POU6F2: variants seen among roughly 807,000 people sequenced by gnomAD.
POU6F2 encodes the protein POU domain, class 6, transcription factor 2.
In POU6F2, 31 loss-of-function variants were observed where a neutral mutation model predicts 71.3. That is an observed-to-expected ratio of 0.43 (90% CI 0.33 to 0.59). POU6F2 has a LOEUF of 0.59. POU6F2 is among the 20% of genes least tolerant of loss of function. The probability of loss-of-function intolerance (pLI) is 0.04; values close to 1 mark genes in which losing one functional copy is unlikely to be tolerated. For missense variants in POU6F2, 783 were observed against 856.8 expected, an observed-to-expected ratio of 0.91 and a Z score of 1.07; for synonymous variants, 347 against 355.7, an observed-to-expected ratio of 0.98 and a Z score of 0.27.
chr7:39,082,216 T>C (rs150381890), intron 1 of POU6F2, among the ~76,000 whole-genome samples: 1 of 152,308 alleles, frequency 6.6e-6, no homozygotes, highest in African/African-American at 2.4e-5. Flanking sequence ...TACTTCTGCT[T>C]CTCCTTTTTC....
intron 1 of POU6F2, among the ~76,000 whole-genome samples, chr7:39,082,660 C>T (rs1209240187): frequency 6.6e-6 from 1 of 152,026 alleles, no homozygotes; most frequent in Non-Finnish European, 1.5e-5. Flanking sequence ...AGGCACTCCC[C>T]CATCACTTAT....
intron 5 of POU6F2, among the ~76,000 whole-genome samples, chr7:39,364,699 G>A (rs1786462211): frequency 6.6e-6 from 1 of 152,174 alleles, no homozygotes. Context: ...CCACGTTTAT[G>A]CAATCACGAA....
chr7:39,210,308 A>C (rs1794113381), intron 4 of POU6F2, among the ~76,000 whole-genome samples: 1 of 152,108 alleles, frequency 6.6e-6, no homozygotes, highest in African/African-American at 2.4e-5. Context: ...GCTTTTATTC[A>C]TGAAACAGTT....
At chr7:39,293,785 G>A (rs1322213696) in intron 4 of POU6F2, among the ~76,000 whole-genome samples, 1 of 152,150 alleles carries the variant, frequency 6.6e-6, no homozygotes, top group Admixed American at 6.5e-5. Flanking sequence ...TGTTTTTAAA[G>A]TCCAACTCTT....
chr7:39,456,174 G>A (rs1341831100), intron 8 of POU6F2, among the ~76,000 whole-genome samples: 1 of 152,136 alleles, frequency 6.6e-6, no homozygotes, highest in African/African-American at 2.4e-5. Context: ...TAAAAGTGCT[G>A]GATCCACCTT....
chr7:39,124,091 G>A (rs934929450), intron 2 of POU6F2, among the ~76,000 whole-genome samples: 12 of 120,204 alleles, frequency 1.0e-4, no homozygotes, highest in South Asian at 3.0e-4. Flanking sequence ...CTGTCACCCC[G>A]GCTGGAGTGC....
In POU6F2 at chr7:39,065,378, C is replaced by A. The variant is rs146598492; in HGVS notation, c.106-20482C>A. Among the ~76,000 whole-genome samples the A allele has an allele frequency of 6.8e-3, 1,039 of 151,686 alleles. 11 individuals carry two copies. The highest frequency in any genetic ancestry group is 0.023 in the African/African-American group (969 of 41,514). On this transcript the variant is annotated intron_variant, in intron 1 of 9. Coordinates refer to ENST00000518318, the MANE Select transcript of POU6F2 (RefSeq NM_001370959.1). ...GAATATGATAATTCACAAGATAGAA[C>A]AAACTCATAACCTTACATTCTCTCA...
intron 1 of POU6F2, among the ~76,000 whole-genome samples, chr7:39,054,781 TA>T (rs35518758): frequency 1.8e-4 from 25 of 140,072 alleles, no homozygotes; most frequent in Admixed American, 2.1e-4. Flanking sequence ...TGGAGACACT[TA>T]AAAAAAAAAA....
At chr7:39,036,991 T>TCATC (rs2128710751) in intron 1 of POU6F2, among the ~76,000 whole-genome samples, 1 of 152,108 alleles carries the variant, frequency 6.6e-6, no homozygotes, top group East Asian at 1.9e-4. Flanking sequence ...ACAGACTATT[T>TCATC]CATCACCCTG....
chr7:39,268,301 A>G (rs114540601), intron 4 of POU6F2, among the ~76,000 whole-genome samples: 3,388 of 152,212 alleles, frequency 0.022, 123 homozygotes, highest in African/African-American at 0.076. Context: ...CGGTGCAGGG[A>G]CACTAATTGG....
chr7:39,296,017 A>C (rs143723700), intron 4 of POU6F2, among the ~76,000 whole-genome samples: 5 of 152,300 alleles, frequency 3.3e-5, no homozygotes, highest in Admixed American at 6.5e-5. Flanking sequence ...TGCATTTATC[A>C]CATAAATGTC....
intron 1 of POU6F2, among the ~76,000 whole-genome samples, chr7:39,035,849 G>C (rs115124292): frequency 0.011 from 1,614 of 152,210 alleles, 30 homozygotes; most frequent in African/African-American, 0.036. Context: ...GAAATCACCA[G>C]TGACCCGTGG....
intron 4 of POU6F2, among the ~76,000 whole-genome samples, chr7:39,258,745 G>A (rs532578125): frequency 1.1e-4 from 17 of 151,664 alleles, no homozygotes; most frequent in Admixed American, 2.0e-4. Context: ...TAGGGGCACC[G>A]CAGAATCTGT....
intron 5 of POU6F2, among the ~76,000 whole-genome samples, chr7:39,386,739 T>A (rs1310563683): frequency 6.6e-6 from 1 of 152,172 alleles, no homozygotes; most frequent in Non-Finnish European, 1.5e-5. Context: ...CAAGAAGAAG[T>A]TGGATCAAAT....
chr7:39,167,053 A>T (rs1220693104), intron 2 of POU6F2, among the ~76,000 whole-genome samples: 1 of 152,212 alleles, frequency 6.6e-6, no homozygotes, highest in Non-Finnish European at 1.5e-5. Context: ...ATTCTCCAGC[A>T]AACATTTAGA....
intron 2 of POU6F2, among the ~76,000 whole-genome samples, chr7:39,200,238 C>T (rs1793870460): frequency 6.6e-6 from 1 of 152,168 alleles, no homozygotes; most frequent in Non-Finnish European, 1.5e-5. Context: ...CTGCTGGCTC[C>T]CTGTGGTCTT....
chr7:39,016,402 C>T (rs1286835964), intron 1 of POU6F2, among the ~76,000 whole-genome samples: 7 of 151,466 alleles, frequency 4.6e-5, no homozygotes. Context: ...TGTGTTTGAT[C>T]ACTAAACTAG....
intron 4 of POU6F2, among the ~76,000 whole-genome samples, chr7:39,214,350 C>T (rs1260403125): frequency 6.6e-6 from 1 of 152,186 alleles, no homozygotes; most frequent in African/African-American, 2.4e-5. Context: ...CCTGCCCCAG[C>T]ACTCCTGTCT....
chr7:39,393,191 G>A (rs927535856), intron 5 of POU6F2, among the ~76,000 whole-genome samples: 1 of 152,216 alleles, frequency 6.6e-6, no homozygotes, highest in Non-Finnish European at 1.5e-5. Context: ...TTTGTGAGCA[G>A]AGAAGGATTT....
Sources: allele counts gnomAD v4.1 joint callset (sites outside exome capture counted in the v4.1 genomes callset), GRCh38; gene constraint gnomAD v4.1.1; transcripts MANE v1.5; gene names NCBI Gene and HGNC (gene_info 2026-07-23, HGNC 2026-07-21).